The following TRAPPC9 variants were observed in gnomAD, a reference collection of about 807,000 sequenced individuals.
TRAPPC9 encodes the protein IKK2 binding protein.
TRAPPC9 carries 83 observed loss-of-function variants against 124.0 expected under a neutral mutation model. The observed-to-expected ratio is 0.67, with a 90% CI of 0.56 to 0.80. TRAPPC9 has a LOEUF of 0.80. Among genes scored for constraint, TRAPPC9 ranks in the 30% least tolerant of loss-of-function variants. TRAPPC9 has a pLI of 0.00. For missense variants in TRAPPC9, 1,302 were observed against 1,508.3 expected, an observed-to-expected ratio of 0.86 and a Z score of 2.27; for synonymous variants, 638 against 617.5, an observed-to-expected ratio of 1.03 and a Z score of -0.49.
At chr8:139,992,441 C>A (rs534172632) in intron 18 of TRAPPC9, among the ~76,000 whole-genome samples, 12 of 151,928 alleles carry the variant, frequency 7.9e-5, no homozygotes, top group Non-Finnish European at 1.8e-4. Flanking sequence ...TTGAGCATCA[C>A]GTCAGTGCTC....
chr8:139,956,962 GC>G (rs1835028245), intron 19 of TRAPPC9, among the ~76,000 whole-genome samples: 1 of 152,386 alleles, frequency 6.6e-6, no homozygotes, highest in East Asian at 1.9e-4. Context: ...ACCGGATAAG[GC>G]CCTGAGGTGC....
chr8:139,995,069 A>G (rs1837880958), intron 18 of TRAPPC9, among the ~76,000 whole-genome samples: 1 of 152,182 alleles, frequency 6.6e-6, no homozygotes, highest in South Asian at 2.1e-4. Flanking sequence ...GCAACTATAA[A>G]TCATAGAATG....
At chr8:140,156,217 A>G (rs1000183849) in intron 17 of TRAPPC9, among the ~76,000 whole-genome samples, 1 of 152,210 alleles carries the variant, frequency 6.6e-6, no homozygotes, top group Non-Finnish European at 1.5e-5. Context: ...TGATCCCCTG[A>G]AGAAAATGAT....
intron 9 of TRAPPC9, among the ~76,000 whole-genome samples, chr8:140,320,636 A>G (rs1248715294): frequency 6.6e-6 from 1 of 152,194 alleles, no homozygotes; most frequent in African/African-American, 2.4e-5. Flanking sequence ...CTGCCTCTCC[A>G]CATTTACCTA....
intron 17 of TRAPPC9, among the ~76,000 whole-genome samples, chr8:140,074,834 G>C (rs1322374508): frequency 6.6e-6 from 1 of 152,208 alleles, no homozygotes; most frequent in African/African-American, 2.4e-5. Context: ...GAAGGGGTCA[G>C]AGGGCAGGGA....
chr8:140,101,184 G>C (rs934809240), intron 17 of TRAPPC9, among the ~76,000 whole-genome samples: 2 of 152,218 alleles, frequency 1.3e-5, no homozygotes, highest in African/African-American at 4.8e-5. Context: ...CTGTCACCCA[G>C]GCTGGAGTGC....
At chr8:139,921,963 CT>C (rs1832536659) in intron 19 of TRAPPC9, among the ~76,000 whole-genome samples, 1 of 152,004 alleles carries the variant, frequency 6.6e-6, no homozygotes, top group Non-Finnish European at 1.5e-5. Context: ...GTGTGCACAC[CT>C]GCCCCTCCCT....
intron 11 of TRAPPC9, among the ~76,000 whole-genome samples, chr8:140,293,089 A>C (rs2065708605): frequency 6.7e-6 from 1 of 148,540 alleles, no homozygotes; most frequent in Non-Finnish European, 1.5e-5. Context: ...GAAGACATTT[A>C]TGCAGCCAAA....
intron 21 of TRAPPC9, among the ~76,000 whole-genome samples, chr8:139,836,066 T>TGGTAACATTTCAGCGCAGCGCAGC (rs1826327671): frequency 2.0e-5 from 3 of 152,164 alleles, no homozygotes; most frequent in Admixed American, 6.5e-5. Context: ...TGGAGCGCAG[T>TGGTAACATTTCAGCGCAGCGCAGC]GGTACCATTT....
intron 19 of TRAPPC9, among the ~76,000 whole-genome samples, chr8:139,918,302 C>G (rs1345685113): frequency 6.6e-6 from 1 of 152,230 alleles, no homozygotes; most frequent in Non-Finnish European, 1.5e-5. Flanking sequence ...GGATGGTGTG[C>G]TCTGAGCACT....
intron 15 of TRAPPC9, among the ~76,000 whole-genome samples, chr8:140,270,583 T>A (rs567238884): frequency 6.6e-6 from 1 of 152,226 alleles, no homozygotes; most frequent in East Asian, 1.9e-4. Flanking sequence ...TGGCAAGACC[T>A]CCTGTGGCAC....
intron 2 of TRAPPC9, among the ~76,000 whole-genome samples, chr8:140,440,972 C>CTTTTTTTTTT (rs60379205): frequency 2.5e-5 from 2 of 80,282 alleles, no homozygotes; most frequent in African/African-American, 5.0e-5. Flanking sequence ...AACACTGTTA[C>CTTTTTTTTTT]TTTTTTTTTT....
intron 9 of TRAPPC9, among the ~76,000 whole-genome samples, chr8:140,358,230 G>C (rs1302325449): frequency 3.3e-5 from 5 of 152,112 alleles, no homozygotes; most frequent in Non-Finnish European, 5.9e-5. Context: ...TTTTGAGACA[G>C]AATTTCACTC....
chr8:140,311,222 T>G (rs1471968265), intron 10 of TRAPPC9, 26 bp downstream of exon 10: 1 of 1,607,038 alleles, frequency 6.2e-7, no homozygotes, highest in East Asian at 2.2e-5. Flanking sequence ...GCAGCTGCCT[T>G]TCCGGCTCTG....
chr8:139,828,532 C>T (rs1238772188), intron 21 of TRAPPC9, among the ~76,000 whole-genome samples: 1 of 152,194 alleles, frequency 6.6e-6, no homozygotes, highest in Non-Finnish European at 1.5e-5. Flanking sequence ...AAAGTCATTA[C>T]CAAATCGGGA....
At chr8:140,136,137 G>A (rs906073091) in intron 17 of TRAPPC9, among the ~76,000 whole-genome samples, 14 of 152,050 alleles carry the variant, frequency 9.2e-5, no homozygotes, top group Non-Finnish European at 1.5e-4. Context: ...CATTCCCCAC[G>A]CCCTGCAAAG....
chr8:139,808,726 G>A (rs1004914790), intron 21 of TRAPPC9, among the ~76,000 whole-genome samples: 4 of 151,852 alleles, frequency 2.6e-5, no homozygotes, highest in African/African-American at 9.7e-5. Context: ...GGGGCCTTTT[G>A]TGTCTGGCTT....
chr8:140,102,495 G>A lies in TRAPPC9; in HGVS notation c.2557-78416C>T, dbSNP rs562417988. 8.9e-3 allele frequency among the ~76,000 whole-genome samples: 1,340 copies of A among 150,044 alleles called. 20 individuals are homozygous for A. The highest frequency in any genetic ancestry group is 0.031 in the African/African-American group (1,249 of 40,698). On this transcript the variant is annotated intron_variant, in intron 17 of 22. Coordinates refer to ENST00000438773, the MANE Select transcript of TRAPPC9 (RefSeq NM_001160372.4). ...CCACCACACACACACACACACACAC[G>A]CATGCACGCACACACACAGACATAG...
At chr8:140,219,581 C>T (rs1172158247) in intron 17 of TRAPPC9, among the ~76,000 whole-genome samples, 1 of 152,204 alleles carries the variant, frequency 6.6e-6, no homozygotes, top group African/African-American at 2.4e-5. Flanking sequence ...TTACCTTCCA[C>T]GACCCCCTTA....
Sources: allele counts gnomAD v4.1 joint callset (sites outside exome capture counted in the v4.1 genomes callset), GRCh38; gene constraint gnomAD v4.1.1; transcripts MANE v1.5; gene names NCBI Gene and HGNC (gene_info 2026-07-23, HGNC 2026-07-21).